Variants in TENM2 observed in about 807,000 individuals in gnomAD.
The protein encoded by TENM2 is teneurin transmembrane protein 2, also known as teneurin-2.
Under a neutral mutation model 245.2 loss-of-function variants are expected in TENM2, and 52 were observed. The observed-to-expected ratio is 0.21, with a 90% CI of 0.17 to 0.27. The LOEUF is 0.27. TENM2 is among the 10% of genes least tolerant of loss of function. The pLI is 1.00. For synonymous variants in TENM2, 1,363 were observed against 1,438.9 expected (o/e 0.95, Z 1.19); for missense variants, 3,046 against 3,666.8 (o/e 0.83, Z 4.37).
At chr5:167,810,469 A>G (rs1561807001) in intron 2 of TENM2, among the ~76,000 whole-genome samples, 1 of 151,954 alleles carries the variant, frequency 6.6e-6, no homozygotes, top group Non-Finnish European at 1.5e-5. Flanking sequence ...ACATGTCCAT[A>G]CTAACCCCAT....
At chr5:168,197,538 A>C (rs1020091639) in intron 15 of TENM2, among the ~76,000 whole-genome samples, 1 of 152,064 alleles carries the variant, frequency 6.6e-6, no homozygotes, top group African/African-American at 2.4e-5. Flanking sequence ...ATCTCTACTA[A>C]AAATACAAAA....
At chr5:167,267,709 G>A in the TENM2 span, among the ~76,000 whole-genome samples, 1 of 152,176 alleles carries the variant, frequency 6.6e-6, no homozygotes, top group African/African-American at 2.4e-5. Context: ...TGTTTCTGGT[G>A]AATGGCAGTG....
intron 2 of TENM2, among the ~76,000 whole-genome samples, chr5:167,616,223 C>T (rs1335647232): frequency 1.3e-5 from 2 of 152,084 alleles, no homozygotes; most frequent in Non-Finnish European, 2.9e-5. Flanking sequence ...AGTCCTATAG[C>T]CTGTGCTTGA....
At chr5:167,810,389 G>T (rs1766546689) in intron 2 of TENM2, among the ~76,000 whole-genome samples, 2 of 151,966 alleles carry the variant, frequency 1.3e-5, no homozygotes, top group East Asian at 3.9e-4. Flanking sequence ...CACTGTTTGG[G>T]TCCTTTTATT....
At chr5:167,821,286 G>A (rs1561818617) in intron 2 of TENM2, 1 of 152,198 alleles carries the variant, frequency 6.6e-6, no homozygotes, top group African/African-American at 2.4e-5. Context: ...GCTTCAGAAT[G>A]GTAAGTGTCA....
At chr5:168,005,394 T>C (rs1198225559) in intron 5 of TENM2, among the ~76,000 whole-genome samples, 1 of 152,244 alleles carries the variant, frequency 6.6e-6, no homozygotes, top group Admixed American at 6.5e-5. Flanking sequence ...AACTCTTTAA[T>C]TGCATGTCTG....
At chr5:167,109,009 C>T in the TENM2 span, among the ~76,000 whole-genome samples, 1 of 152,088 alleles carries the variant, frequency 6.6e-6, no homozygotes, top group Admixed American at 6.5e-5. Flanking sequence ...TGATTTTGTA[C>T]AGAAGGGTTT....
chr5:168,175,979 T>C (rs1759322953), intron 13 of TENM2, among the ~76,000 whole-genome samples: 1 of 152,254 alleles, frequency 6.6e-6, no homozygotes, highest in Admixed American at 6.5e-5. Context: ...GGCCATTGCA[T>C]AGGCCTTTGA....
chr5:167,792,263 A>G (rs10454965), intron 2 of TENM2, among the ~76,000 whole-genome samples: 20,263 of 151,892 alleles, frequency 0.13, 2,556 homozygotes, highest in East Asian at 0.6. Context: ...GAGGAAAAAT[A>G]TGGTTATGGC....
chr5:167,518,288 ACTTCCCAAAC>A (rs1770530478), intron 2 of TENM2, among the ~76,000 whole-genome samples: 1 of 152,158 alleles, frequency 6.6e-6, no homozygotes, highest in African/African-American at 2.4e-5. Flanking sequence ...AATAAAGCTA[ACTTCCCAAAC>A]CTGGATTTCC....
chr5:167,690,617 A>C (rs1350510830), intron 2 of TENM2, among the ~76,000 whole-genome samples: 1 of 152,176 alleles, frequency 6.6e-6, no homozygotes, highest in African/African-American at 2.4e-5. Context: ...TCTGTAAAGA[A>C]AGGAGATTGG....
intron 1 of TENM2, among the ~76,000 whole-genome samples, chr5:167,329,837 T>C (rs1201112794): frequency 6.6e-6 from 1 of 152,178 alleles, no homozygotes; most frequent in Admixed American, 6.5e-5. Context: ...TTTAAAGACA[T>C]TCTTTCTCAT....
intron 2 of TENM2, among the ~76,000 whole-genome samples, chr5:167,649,421 G>T (rs1780188011): frequency 6.6e-6 from 1 of 152,090 alleles, no homozygotes; most frequent in Admixed American, 6.5e-5. Context: ...CCTAGTAATG[G>T]AATTCTCCTA....
intron 1 of TENM2, among the ~76,000 whole-genome samples, chr5:167,339,975 C>G (rs1241886725): frequency 1.3e-5 from 2 of 152,120 alleles, no homozygotes; most frequent in Non-Finnish European, 2.9e-5. Context: ...TATAAATTAC[C>G]CAGGCTCAGG....
chr5:167,075,738 A>G, the TENM2 span, among the ~76,000 whole-genome samples: 1 of 152,218 alleles, frequency 6.6e-6, no homozygotes, highest in Non-Finnish European at 1.5e-5. Context: ...TCATTGATGC[A>G]GGGCCTGGCT....
chr5:167,217,736 A>AT, the TENM2 span, among the ~76,000 whole-genome samples: 33 of 145,394 alleles, frequency 2.3e-4, no homozygotes, highest in South Asian at 1.7e-3. Context: ...ATATATATAT[A>AT]ATATATGTGA....
At chr5:167,396,948 G>C (rs1279701690) in intron 2 of TENM2, among the ~76,000 whole-genome samples, 2 of 152,104 alleles carry the variant, frequency 1.3e-5, no homozygotes, top group Non-Finnish European at 1.5e-5. Flanking sequence ...GTTCAGTCCT[G>C]GTGGAGAGTT....
intron 2 of TENM2, among the ~76,000 whole-genome samples, chr5:167,800,330 A>G (rs1765618173): frequency 6.6e-6 from 1 of 152,154 alleles, no homozygotes; most frequent in Admixed American, 6.5e-5. Flanking sequence ...CTTCTCTTTG[A>G]CAAGCTTCAT....
At chr5:166,989,927 G>A in the TENM2 span, among the ~76,000 whole-genome samples, 1 of 151,002 alleles carries the variant, frequency 6.6e-6, no homozygotes, top group African/African-American at 2.4e-5. Flanking sequence ...ATTCCTTTTG[G>A]TATCATCAAG....
Sources: allele counts gnomAD v4.1 joint callset (sites outside exome capture counted in the v4.1 genomes callset), GRCh38; gene constraint gnomAD v4.1.1; transcripts MANE v1.5; gene names NCBI Gene and HGNC (gene_info 2026-07-23, HGNC 2026-07-21).